The following BPI variants were observed in gnomAD, a reference collection of about 807,000 sequenced individuals.
The protein encoded by BPI is bactericidal permeability-increasing protein.
A neutral mutation model predicts 57.6 loss-of-function variants in BPI; 48 were observed. That is an observed-to-expected ratio of 0.83 (90% CI 0.66 to 1.06). BPI has a LOEUF of 1.06. BPI is among the 50% of genes least tolerant of loss of function. The pLI is 0.00. For synonymous variants in BPI, 237 were observed against 238.2 expected (o/e 0.99, Z 0.05); for missense variants, 651 against 609.7 (o/e 1.07, Z -0.71).
chr20:38,310,396 G>T, intron 3 of BPI, 95 bp from the exon 4 acceptor site: 2 of 1,450,716 alleles, frequency 1.4e-6, no homozygotes, highest in Non-Finnish European at 1.9e-6. Flanking sequence ...CTGGAGTGGG[G>T]ATAATAACAA....
At chr20:38,315,643 A>G (rs2076648260) in intron 5 of BPI, among the ~76,000 whole-genome samples, 1 of 152,086 alleles carries the variant, frequency 6.6e-6, no homozygotes, top group Admixed American at 6.6e-5. Flanking sequence ...GGTTCCTTGG[A>G]GAATGCCAGT....
At chr20:38,318,116 A>C in intron 5 of BPI, 1 of 870,146 alleles carries the variant, frequency 1.1e-6, no homozygotes, top group Non-Finnish European at 1.4e-6. Context: ...AAACAACAAC[A>C]GCAACAAAAA....
intron 5 of BPI, among the ~76,000 whole-genome samples, chr20:38,312,818 T>C (rs1190012822): frequency 6.6e-6 from 1 of 152,184 alleles, no homozygotes; most frequent in Non-Finnish European, 1.5e-5. Context: ...AGATACTGTG[T>C]CAAAAGCTTA....
intron 5 of BPI, among the ~76,000 whole-genome samples, chr20:38,314,184 A>ATGTTGG (rs1555838385): frequency 1.1e-5 from 1 of 94,292 alleles, no homozygotes; most frequent in African/African-American, 3.8e-5. Flanking sequence ...GATGATAATA[A>ATGTTGG]TGATGGTGAT....
At chr20:38,326,125 G>T in intron 9 of BPI, 140 bp from the exon 10 acceptor site, 1 of 913,576 alleles carries the variant, frequency 1.1e-6, no homozygotes, top group East Asian at 2.8e-5. Context: ...CCAGCTGGCA[G>T]ACTGTGCAAT....
Position 38,337,336 on chromosome 20 carries a change from AG to A in BPI, c.*154del. 1 of 619,694 alleles carries A rather than the reference AG, an allele frequency of 1.6e-6. No homozygotes were observed. Among genetic ancestry groups the A allele is most frequent in the Admixed American group, 3.6e-5 (1 of 27,476 alleles). The allele number at this position is 619,694 out of a possible 1,614,324, so 38.4% of individuals were successfully genotyped here. ...CAGATTCAGAAATGATCTAAACACG[AG>A]GAAACATTATTCATTGGAAAAGTGC... is the stretch of plus-strand genomic sequence containing the variant. On this transcript the variant is annotated 3_prime_UTR_variant, in exon 15 of 15. Transcript: ENST00000642449.
chr20:38,304,201 A>C lies in BPI; in HGVS notation c.-23A>C, dbSNP rs764101892. Reference sequence around the variant, plus strand: ...AACCTCAAGGCCTTGAGGTTTTGGCAGCTCTGGAGGATGAGAGAGAACATG... The same window carrying C: ...AACCTCAAGGCCTTGAGGTTTTGGCCGCTCTGGAGGATGAGAGAGAACATG... On this transcript the variant is annotated 5_prime_UTR_variant, in exon 1 of 15. Transcript: ENST00000642449. 8.9e-5 allele frequency: 144 copies of C among 1,613,860 alleles called. No homozygotes were observed. Among genetic ancestry groups the C allele is most frequent in the Non-Finnish European group, 1.1e-4 (135 of 1,179,938 alleles).
Position 38,308,792 on chromosome 20 carries a change from G to T in BPI, c.246-138G>T, listed in dbSNP as rs1259449268. The T allele has an allele frequency of 9.1e-6, 11 of 1,205,226 alleles. No individual in the cohort carries two copies. The Middle Eastern group carries it at 6.5e-4, about 71-fold the overall frequency. The allele number at this position is 1,205,226 out of a possible 1,614,324, so 74.7% of individuals were successfully genotyped here. A position where few individuals can be genotyped will look rare whatever the true frequency, so the allele number is the denominator to read the frequency against. ...CATATCTGCCAAGCCTGCTTTCTTA[G>T]CTTTGGGCTCCTCCTGGAATGGATG... On this transcript the variant is annotated intron_variant, in intron 2 of 14. Transcript: ENST00000642449.
chr20:38,324,767 G>T lies in BPI; in HGVS notation c.934-7G>T, dbSNP rs1379804754. The T allele has an allele frequency of 6.2e-7, 1 of 1,608,696 alleles. No homozygotes were observed. The highest frequency in any genetic ancestry group is 1.7e-5 in the Admixed American group (1 of 60,004). ...CTCCGAGATCCTTTTCTCATCTCTT[G>T]CTACAGATTCCAAAGGAGTCCAAAT... is the stretch of plus-strand genomic sequence containing the variant. On this transcript the variant is annotated splice_polypyrimidine_tract_variant and splice_region_variant and intron_variant, in intron 8 of 14. Coordinates refer to ENST00000642449, the MANE Select transcript of BPI (RefSeq NM_001725.3).
chr20:38,332,303 T>G (rs2076746851), intron 12 of BPI, among the ~76,000 whole-genome samples: 1 of 151,938 alleles, frequency 6.6e-6, no homozygotes, highest in Admixed American at 6.6e-5. Flanking sequence ...GGTGGGGGGA[T>G]AGATTACAGA....
intron 1 of BPI, among the ~76,000 whole-genome samples, chr20:38,305,700 C>T (rs1375590427): frequency 6.6e-6 from 1 of 152,176 alleles, no homozygotes; most frequent in Non-Finnish European, 1.5e-5. Flanking sequence ...GCTGTGTGGC[C>T]CCTAGCAAGT....
At chr20:38,334,229 G>T (rs2076755869) in intron 12 of BPI, among the ~76,000 whole-genome samples, 1 of 152,190 alleles carries the variant, frequency 6.6e-6, no homozygotes, top group Non-Finnish European at 1.5e-5. Flanking sequence ...TGGAGCAAAA[G>T]AAACCACTTC....
intron 1 of BPI, among the ~76,000 whole-genome samples, chr20:38,305,062 T>C (rs971664627): frequency 6.6e-6 from 1 of 152,212 alleles, no homozygotes; most frequent in African/African-American, 2.4e-5. Flanking sequence ...TGCCTCCCGA[T>C]GGCAGAGAGA....
intron 7 of BPI, among the ~76,000 whole-genome samples, chr20:38,323,010 AC>A (rs1277174939): frequency 6.6e-6 from 1 of 152,204 alleles, no homozygotes; most frequent in Admixed American, 6.5e-5. Flanking sequence ...AATGCTATAC[AC>A]TTCCAAGTAC....
At chr20:38,311,372 A>T (rs2076621063) in intron 4 of BPI, among the ~76,000 whole-genome samples, 4 of 152,234 alleles carry the variant, frequency 2.6e-5, no homozygotes. Flanking sequence ...AGGAGACAAG[A>T]ATTAAGAAAA....
At chr20:38,304,378 C>A (rs764558388) in intron 1 of BPI, 25 bp downstream of exon 1, 2 of 1,609,518 alleles carry the variant, frequency 1.2e-6, no homozygotes, top group African/African-American at 1.3e-5. Flanking sequence ...CCCTTCCCTC[C>A]TCTCCACCCC....
Position 38,335,586 on chromosome 20 carries a change from T to C in BPI, c.1337-12T>C, listed in dbSNP as rs763971566. On this transcript the variant is annotated splice_polypyrimidine_tract_variant and intron_variant, in intron 13 of 14. Coordinates refer to ENST00000642449, the MANE Select transcript of BPI (RefSeq NM_001725.3). Reference sequence around the variant, plus strand: ...CTTTTCTCCTGGTCCTCACCATCGGTCTCTGTCACAGAGAAACTACAGAAA... The same window carrying C: ...CTTTTCTCCTGGTCCTCACCATCGGCCTCTGTCACAGAGAAACTACAGAAA... 8.1e-6 allele frequency: 13 copies of C among 1,612,636 alleles called. No individual in the cohort carries two copies. The African/African-American group carries it at 1.7e-4, about 22-fold the overall frequency.
At chr20:38,323,044 C>T (rs962263990) in intron 7 of BPI, among the ~76,000 whole-genome samples, 1 of 152,162 alleles carries the variant, frequency 6.6e-6, no homozygotes, top group African/African-American at 2.4e-5. Context: ...TTTAAGAGAT[C>T]TTACCATTTT....
At chr20:38,311,693 T>A (rs890903855) in intron 4 of BPI, among the ~76,000 whole-genome samples, 181 bp from the exon 5 acceptor site, 14 of 152,064 alleles carry the variant, frequency 9.2e-5, no homozygotes, top group African/African-American at 3.1e-4. Context: ...AATAGCCTCA[T>A]GAACAGGTCA....
Sources: gnomAD v4.1 joint callset for allele counts (sites outside exome capture counted in the v4.1 genomes callset) on GRCh38, gnomAD v4.1.1 for gene constraint, MANE v1.5 for transcripts, NCBI Gene and HGNC (gene_info 2026-07-23, HGNC 2026-07-21) for gene names.